The following ITPR2 variants were observed in gnomAD, a reference collection of about 807,000 sequenced individuals.
The protein encoded by ITPR2 is inositol 1,4,5-trisphosphate-gated calcium channel ITPR2.
Under a neutral mutation model 317.1 loss-of-function variants are expected in ITPR2, and 207 were observed. That is an observed-to-expected ratio of 0.65 (90% CI 0.58 to 0.73). The LOEUF is 0.73. Ranked by LOEUF, ITPR2 falls within the 30% of genes least tolerant of loss-of-function variation. ITPR2 has a pLI of 0.00. For missense variants in ITPR2, 2,613 were observed against 3,284.0 expected (o/e 0.80, Z 4.99); for synonymous variants, 1,156 against 1,149.1 (o/e 1.01, Z -0.12).
chr12:26,639,928 C>T (rs1283797293), intron 21 of ITPR2, among the ~76,000 whole-genome samples: 2 of 152,094 alleles, frequency 1.3e-5, no homozygotes, highest in South Asian at 2.1e-4. Flanking sequence ...CCACAATAAA[C>T]ATACATGTGC....
chr12:26,477,095 G>T, intron 43 of ITPR2, 88 bp from the exon 44 acceptor site: 2 of 782,448 alleles, frequency 2.6e-6, no homozygotes, highest in Non-Finnish European at 2.1e-6. Flanking sequence ...GAGATTACTA[G>T]GACCTTTTTT....
intron 37 of ITPR2, among the ~76,000 whole-genome samples, chr12:26,534,523 T>C (rs1418062832): frequency 6.6e-6 from 1 of 152,194 alleles, no homozygotes; most frequent in South Asian, 2.1e-4. Flanking sequence ...AATGAGTTAG[T>C]ATATTTTCCA....
chr12:26,607,322 T>G (rs1263346386), intron 26 of ITPR2, among the ~76,000 whole-genome samples: 1 of 152,136 alleles, frequency 6.6e-6, no homozygotes, highest in Admixed American at 6.5e-5. Context: ...AAAAAAAAAT[T>G]TTAATAACCG....
At chr12:26,495,690 T>C (rs571041437) in intron 37 of ITPR2, 1 of 152,598 alleles carries the variant, frequency 6.6e-6, no homozygotes, top group African/African-American at 2.4e-5. Context: ...AAATCACAAA[T>C]GCTAAAAATT....
At chr12:26,777,940 G>A (rs146809815) in intron 2 of ITPR2, among the ~76,000 whole-genome samples, 1 of 152,210 alleles carries the variant, frequency 6.6e-6, no homozygotes, top group Non-Finnish European at 1.5e-5. Flanking sequence ...CACTGGCTCT[G>A]AGCTGACATT....
At chr12:26,499,545 A>C (rs1485682190) in intron 37 of ITPR2, among the ~76,000 whole-genome samples, 1 of 152,234 alleles carries the variant, frequency 6.6e-6, no homozygotes, top group Non-Finnish European at 1.5e-5. Context: ...ATAATTAAAT[A>C]GTTAAAATTT....
chr12:26,424,324 T>C (rs1032830628), intron 49 of ITPR2, among the ~76,000 whole-genome samples: 13 of 151,684 alleles, frequency 8.6e-5, no homozygotes, highest in African/African-American at 3.2e-4. Flanking sequence ...AGAACTCTGA[T>C]GGTCATTAAG....
intron 26 of ITPR2, among the ~76,000 whole-genome samples, chr12:26,604,770 T>C (rs1227593813): frequency 6.6e-6 from 1 of 152,180 alleles, no homozygotes; most frequent in Non-Finnish European, 1.5e-5. Flanking sequence ...GGATATTACC[T>C]GCAAGACATT....
intron 55 of ITPR2, among the ~76,000 whole-genome samples, chr12:26,381,164 A>G (rs544994886): frequency 6.6e-6 from 1 of 152,314 alleles, no homozygotes; most frequent in East Asian, 1.9e-4. Flanking sequence ...TCATCTTTCA[A>G]ATCAGCCCTC....
intron 21 of ITPR2, among the ~76,000 whole-genome samples, chr12:26,649,833 A>G (rs1947204950): frequency 6.6e-6 from 1 of 152,164 alleles, no homozygotes; most frequent in Non-Finnish European, 1.5e-5. Context: ...AGACAGACAG[A>G]CAGATAGATA....
At chr12:26,467,863 G>T (rs1942205001) in intron 45 of ITPR2, among the ~76,000 whole-genome samples, 1 of 152,238 alleles carries the variant, frequency 6.6e-6, no homozygotes, top group East Asian at 1.9e-4. Flanking sequence ...TGAAAGACAC[G>T]TAAGTGCCTA....
At chr12:26,550,060 T>C (rs1944485660) in intron 37 of ITPR2, among the ~76,000 whole-genome samples, 187 bp downstream of exon 37, 1 of 152,010 alleles carries the variant, frequency 6.6e-6, no homozygotes, top group Non-Finnish European at 1.5e-5. Context: ...ATTTTAGTTA[T>C]TTCCCAGTTT....
intron 21 of ITPR2, among the ~76,000 whole-genome samples, chr12:26,646,995 T>C (rs1947128443): frequency 6.6e-6 from 1 of 152,236 alleles, no homozygotes; most frequent in African/African-American, 2.4e-5. Context: ...GGTAGTTTTC[T>C]ATGATCTACT....
At chr12:26,493,066 A>T (rs1245908643) in intron 39 of ITPR2, among the ~76,000 whole-genome samples, 1 of 152,070 alleles carries the variant, frequency 6.6e-6, no homozygotes, top group East Asian at 1.9e-4. Flanking sequence ...AAAAAAACTC[A>T]CTCAATTTCC....
rs186293513 is a variant in ITPR2, at chr12:26,412,779, C to T, written c.7307-1367G>A. Among the ~76,000 whole-genome samples, 165 of 152,202 alleles carry T rather than the reference C, an allele frequency of 1.1e-3. 1 individual carries two copies. The highest frequency in any genetic ancestry group is 3.8e-3 in the African/African-American group (157 of 41,542). On this transcript the variant is annotated intron_variant, in intron 51 of 56. Transcript: ENST00000381340. The stretch of plus-strand genomic sequence containing the variant: ...GGAGCAAAGGGGGTGATTCCAGGTA[C>T]AATTTGTCTGACAAAAGGCGCAGAG...
chr12:26,508,849 A>C (rs367717131), intron 37 of ITPR2, among the ~76,000 whole-genome samples: 1 of 152,210 alleles, frequency 6.6e-6, no homozygotes, highest in Non-Finnish European at 1.5e-5. Flanking sequence ...GTTCCAAAAA[A>C]TTAAACGTAG....
At chr12:26,717,541 C>A (rs1948763201) in intron 5 of ITPR2, among the ~76,000 whole-genome samples, 1 of 152,198 alleles carries the variant, frequency 6.6e-6, no homozygotes, top group Admixed American at 6.5e-5. Flanking sequence ...GATGCTGTAA[C>A]TCACAAAGAT....
At chr12:26,442,605 T>G (rs550228286) in intron 46 of ITPR2, among the ~76,000 whole-genome samples, 1 of 152,192 alleles carries the variant, frequency 6.6e-6, no homozygotes, top group Non-Finnish European at 1.5e-5. Flanking sequence ...GACCTATTTC[T>G]ATTTGTATAG....
rs1239389113 is a variant in ITPR2, at chr12:26,597,053, C to T, written c.4084G>A (p.Glu1362Lys). 1 of 1,614,128 alleles carries T rather than the reference C, an allele frequency of 6.2e-7. No individual in the cohort carries two copies. The highest frequency in any genetic ancestry group is 8.5e-7 in the Non-Finnish European group (1 of 1,180,016). The change falls in exon 31 of 57, where the codon GAG becomes AAG. Residue 1362 changes from glutamate (E) to lysine (K), a missense_variant. Glu to Lys is a moderately conservative substitution (Grantham distance 56, BLOSUM62 1). This residue lies in a region of ITPR2 where 817 missense variants were observed against 897.6 expected (regional missense o/e 0.91). Transcript: ENST00000381340. ...CCACTCTCATCCCCTCGGTCTCTCT[C>T]TGAACACATCATATGGAGAAGGATT... is the stretch of plus-strand genomic sequence containing the variant. The part of the protein sequence containing the change: ...FPILLHMMCS[E>K]RDRGDESGPL...
Sources: allele counts gnomAD v4.1 joint callset (sites outside exome capture counted in the v4.1 genomes callset), GRCh38; gene constraint gnomAD v4.1.1; regional missense constraint gnomAD v4.1.1; transcripts MANE v1.5; gene names NCBI Gene and HGNC (gene_info 2026-07-23, HGNC 2026-07-21).